Variants in BICC1 observed in about 807,000 individuals in gnomAD.
BICC1 encodes protein bicaudal C homolog 1.
Under a neutral mutation model 111.0 loss-of-function variants are expected in BICC1, and 43 were observed. That is an observed-to-expected ratio of 0.39 (90% CI 0.30 to 0.50). BICC1 has a LOEUF of 0.50. BICC1 is among the 20% of genes least tolerant of loss of function. The probability of loss-of-function intolerance (pLI) is 0.88; values close to 1 mark genes in which losing one functional copy is unlikely to be tolerated. For missense variants in BICC1, 1,091 were observed against 1,203.2 expected, an observed-to-expected ratio of 0.91 and a Z score of 1.38; for synonymous variants, 467 against 434.4, an observed-to-expected ratio of 1.07 and a Z score of -0.93.
intron 1 of BICC1, among the ~76,000 whole-genome samples, chr10:58,554,966 A>G (rs894322847): frequency 2.6e-5 from 4 of 151,896 alleles, no homozygotes; most frequent in African/African-American, 9.7e-5. Flanking sequence ...GATCAAGAAC[A>G]TATTAAATGT....
chr10:58,577,662 T>C (rs937957078), intron 1 of BICC1, among the ~76,000 whole-genome samples: 2 of 152,208 alleles, frequency 1.3e-5, no homozygotes, highest in African/African-American at 4.8e-5. Context: ...TGCAATACTT[T>C]CTGGATCTCT....
chr10:58,791,382 T>C (rs1843171366), intron 8 of BICC1, among the ~76,000 whole-genome samples: 1 of 152,176 alleles, frequency 6.6e-6, no homozygotes, highest in South Asian at 2.1e-4. Flanking sequence ...GAAGGAGAAA[T>C]TAAAAGGCTT....
chr10:58,528,478 T>G, intron 1 of BICC1, among the ~76,000 whole-genome samples: 1 of 151,984 alleles, frequency 6.6e-6, no homozygotes, highest in African/African-American at 2.4e-5. Context: ...CTGAATTATC[T>G]TGTTCTTAGA....
chr10:58,667,479 G>A (rs1219138167), intron 2 of BICC1, among the ~76,000 whole-genome samples: 1 of 322 alleles, frequency 3.1e-3, no homozygotes, highest in Non-Finnish European at 7.4e-3. Context: ...AATTCTCAGG[G>A]TTCAAGGAAT....
At chr10:58,820,983 TC>T (rs758968083) in intron 20 of BICC1, among the ~76,000 whole-genome samples, 24 of 152,264 alleles carry the variant, frequency 1.6e-4, no homozygotes, top group Non-Finnish European at 3.1e-4. Flanking sequence ...GGACATAGTA[TC>T]CTGAAGATAG....
intron 3 of BICC1, among the ~76,000 whole-genome samples, chr10:58,775,939 C>A (rs943145625): frequency 2.6e-5 from 4 of 152,154 alleles, no homozygotes; most frequent in Admixed American, 2.0e-4. Flanking sequence ...ATTAGCTGCT[C>A]TTTAGTGTAA....
At chr10:58,517,962 C>T (rs143024876) in intron 1 of BICC1, among the ~76,000 whole-genome samples, 16 of 149,206 alleles carry the variant, frequency 1.1e-4, no homozygotes, top group African/African-American at 2.0e-4. Context: ...AATTATCTTA[C>T]GATTAATGAA....
chr10:58,730,625 G>A (rs188816591), intron 3 of BICC1, among the ~76,000 whole-genome samples: 38 of 152,022 alleles, frequency 2.5e-4, no homozygotes, highest in African/African-American at 8.7e-4. Flanking sequence ...TGGACATCTA[G>A]GCTTTTTCAT....
At chr10:58,826,690 C>T (rs572950177) in intron 20 of BICC1, among the ~76,000 whole-genome samples, 6 of 131,470 alleles carry the variant, frequency 4.6e-5, no homozygotes, top group Middle Eastern at 7.8e-3. Flanking sequence ...ACCCGGGAAG[C>T]GGAGCTTGCA....
Position 58,543,063 on chromosome 10 carries a change from A to T in BICC1, c.190+29730A>T, listed in dbSNP as rs562647379. Among the ~76,000 whole-genome samples the T allele has an allele frequency of 3.1e-4, 47 of 152,274 alleles. 1 individual carries two copies. The South Asian group carries it at 6.8e-3, about 22-fold the overall frequency. On this transcript the variant is annotated intron_variant, in intron 1 of 20. Transcript: ENST00000373886. The stretch of plus-strand genomic sequence containing the variant: ...AACAGGACCCCATGGAGATATGTGC[A>T]CACCCATTTGCATTGCAGCATTATT...
chr10:58,694,719 G>A (rs1318038376), intron 2 of BICC1, among the ~76,000 whole-genome samples: 1 of 152,154 alleles, frequency 6.6e-6, no homozygotes, highest in Non-Finnish European at 1.5e-5. Flanking sequence ...TATGTGTTTG[G>A]GGGTGGTGGT....
chr10:58,721,317 A>G (rs1364062776), intron 3 of BICC1, among the ~76,000 whole-genome samples: 1 of 152,326 alleles, frequency 6.6e-6, no homozygotes, highest in South Asian at 2.1e-4. Context: ...TCACTATGCC[A>G]GACTAACCAA....
intron 3 of BICC1, among the ~76,000 whole-genome samples, chr10:58,780,437 G>A (rs1233855017): frequency 6.6e-6 from 1 of 152,144 alleles, no homozygotes; most frequent in Admixed American, 6.5e-5. Flanking sequence ...GAATTTAGGG[G>A]GTTGAATCCT....
chr10:58,621,970 A>AGAATAGAATAGAATAGAATAGAAT (rs1588940629), intron 2 of BICC1, among the ~76,000 whole-genome samples: 1 of 133,752 alleles, frequency 7.5e-6, no homozygotes, highest in Admixed American at 7.5e-5. Context: ...AGAATAGAAT[A>AGAATAGAATAGAATAGAATAGAAT]ATCCAGCCTG....
intron 14 of BICC1, 127 bp downstream of exon 14, chr10:58,801,173 C>A (rs1456174353): frequency 2.5e-6 from 2 of 815,210 alleles, no homozygotes; most frequent in Non-Finnish European, 3.4e-6. Context: ...TTCATTTTAA[C>A]TTTTTTAAAA....
At chr10:58,736,186 T>C (rs1236598592) in intron 3 of BICC1, among the ~76,000 whole-genome samples, 1 of 152,176 alleles carries the variant, frequency 6.6e-6, no homozygotes, top group African/African-American at 2.4e-5. Flanking sequence ...CAGACTGTGA[T>C]GCAGATCAGT....
chr10:58,624,465 T>C (rs1300137449), intron 2 of BICC1, among the ~76,000 whole-genome samples: 1 of 152,256 alleles, frequency 6.6e-6, no homozygotes, highest in African/African-American at 2.4e-5. Context: ...CTATAGATAT[T>C]TAACTGCCTA....
intron 2 of BICC1, among the ~76,000 whole-genome samples, chr10:58,627,445 A>G (rs371864422): frequency 1.6e-4 from 25 of 152,356 alleles, no homozygotes; most frequent in African/African-American, 5.8e-4. Flanking sequence ...TGCCTACATT[A>G]ATTCCTGTAC....
chr10:58,607,614 C>G (rs935437308), intron 1 of BICC1, among the ~76,000 whole-genome samples: 1 of 152,020 alleles, frequency 6.6e-6, no homozygotes, highest in Non-Finnish European at 1.5e-5. Context: ...CCATCGGCCT[C>G]CCTCACTTTC....
Sources: gnomAD v4.1 joint callset for allele counts (sites outside exome capture counted in the v4.1 genomes callset) on GRCh38, gnomAD v4.1.1 for gene constraint, MANE v1.5 for transcripts, NCBI Gene and HGNC (gene_info 2026-07-23, HGNC 2026-07-21) for gene names.